The following CACNA1E variants were observed in gnomAD, a reference collection of about 807,000 sequenced individuals.
The protein encoded by CACNA1E is calcium voltage-gated channel subunit alpha1 E, also known as voltage-dependent R-type calcium channel subunit alpha-1E.
CACNA1E carries 40 observed loss-of-function variants against 259.2 expected under a neutral mutation model. The ratio of observed to expected loss-of-function variants is 0.15; its 90% confidence interval spans 0.12 to 0.20. The LOEUF (loss-of-function observed/expected upper bound fraction) is 0.20, where lower values mean the gene tolerates loss of function less well. Ranked by LOEUF, CACNA1E falls within the 10% of genes least tolerant of loss-of-function variation. CACNA1E has a pLI of 1.00. For synonymous variants in CACNA1E, 1,104 were observed against 1,138.5 expected (o/e 0.97, Z 0.61); for missense variants, 1,874 against 3,040.1 (o/e 0.62, Z 9.02).
At chr1:181,649,393 C>T (rs561948788) in intron 6 of CACNA1E, among the ~76,000 whole-genome samples, 75 of 150,824 alleles carry the variant, frequency 5.0e-4, no homozygotes, top group African/African-American at 1.7e-3. Context: ...AAAAAAAAGA[C>T]ACAAGTGTGG....
intron 6 of CACNA1E, among the ~76,000 whole-genome samples, chr1:181,585,191 G>A (rs1651939428): frequency 6.6e-6 from 1 of 152,128 alleles, no homozygotes; most frequent in African/African-American, 2.4e-5. Context: ...TTCCCATGAC[G>A]GCTGGGAGGT....
chr1:181,510,212 A>G (rs1015752345), intron 1 of CACNA1E, among the ~76,000 whole-genome samples: 1 of 152,142 alleles, frequency 6.6e-6, no homozygotes, highest in African/African-American at 2.4e-5. Flanking sequence ...ATGCCCAACT[A>G]TATTATGTAT....
chr1:181,404,336 C>T (rs1297727838), intron 1 of CACNA1E, among the ~76,000 whole-genome samples: 3 of 152,144 alleles, frequency 2.0e-5, no homozygotes, highest in South Asian at 2.1e-4. Context: ...TATTGCAGAA[C>T]GTCAGGGAAC....
intron 3 of CACNA1E, among the ~76,000 whole-genome samples, chr1:181,527,681 G>T (rs759884163): frequency 1.7e-4 from 26 of 152,038 alleles, no homozygotes; most frequent in Non-Finnish European, 2.8e-4. Flanking sequence ...GGTTTTAAAT[G>T]TACCTTCAGT....
intron 1 of CACNA1E, among the ~76,000 whole-genome samples, chr1:181,333,927 T>C (rs1651486952): frequency 1.3e-5 from 2 of 152,206 alleles, no homozygotes; most frequent in African/African-American, 4.8e-5. Flanking sequence ...AGTGCTGGGA[T>C]TTACAGGCGT....
chr1:181,771,522 T>C (rs113788299), intron 36 of CACNA1E, 138 bp downstream of exon 36: 94 of 627,378 alleles, frequency 1.5e-4, no homozygotes, highest in African/African-American at 1.4e-3. Context: ...GAACAGGCAA[T>C]GTCTTTGCCA....
intron 6 of CACNA1E, among the ~76,000 whole-genome samples, chr1:181,644,722 G>A (rs1273105680): frequency 6.6e-6 from 1 of 152,198 alleles, no homozygotes; most frequent in Non-Finnish European, 1.5e-5. Flanking sequence ...CTAAAGGTAT[G>A]TGAGGGAAGC....
chr1:181,483,668 G>T lies in CACNA1E; in HGVS notation c.-77G>T. 9.7e-7 allele frequency: 1 copy of T among 1,030,680 alleles called. No individual in the cohort carries two copies. The highest frequency in any genetic ancestry group is 1.4e-6 in the Non-Finnish European group (1 of 728,006). The allele number at this position is 1,030,680 out of a possible 1,614,324, so 63.8% of individuals were successfully genotyped here. ...TGGATGCGGCTCTGAGTCTCCGTGT[G>T]TCTTTCTGCTTGTTGCTGTGTGCGG... On this transcript the variant is annotated 5_prime_UTR_variant, in exon 1 of 48. Coordinates refer to ENST00000367573, the MANE Select transcript of CACNA1E (RefSeq NM_001205293.3).
intron 2 of CACNA1E, among the ~76,000 whole-genome samples, chr1:181,422,424 G>T (rs994231156): frequency 6.6e-6 from 1 of 152,186 alleles, no homozygotes; most frequent in African/African-American, 2.4e-5. Context: ...CATACCAAAC[G>T]GTCTAGTCCA....
At chr1:181,342,949 G>A (rs1652282149) in intron 1 of CACNA1E, among the ~76,000 whole-genome samples, 1 of 152,126 alleles carries the variant, frequency 6.6e-6, no homozygotes, top group African/African-American at 2.4e-5. Context: ...CAAATGGGTG[G>A]CAGGGCATCA....
At chr1:181,768,935 T>A (rs1659253389) in intron 35 of CACNA1E, among the ~76,000 whole-genome samples, 2 of 152,248 alleles carry the variant, frequency 1.3e-5, no homozygotes, top group African/African-American at 4.8e-5. Context: ...AAGGTATGTC[T>A]ATGAGAAAAA....
intron 7 of CACNA1E, among the ~76,000 whole-genome samples, chr1:181,695,127 A>G (rs868516203): frequency 6.6e-5 from 10 of 152,176 alleles, no homozygotes; most frequent in African/African-American, 1.9e-4. Flanking sequence ...GATGTTAAAT[A>G]TTTAAGGAAT....
intron 6 of CACNA1E, among the ~76,000 whole-genome samples, chr1:181,642,017 C>A (rs990035124): frequency 6.6e-6 from 1 of 151,876 alleles, no homozygotes; most frequent in African/African-American, 2.4e-5. Flanking sequence ...TGGCCTGGGG[C>A]AACACTAATT....
At chr1:181,637,563 C>T (rs1657356653) in intron 6 of CACNA1E, among the ~76,000 whole-genome samples, 1 of 151,938 alleles carries the variant, frequency 6.6e-6, no homozygotes, top group Non-Finnish European at 1.5e-5. Context: ...CCATACATTC[C>T]GCTTATTCAC....
intron 2 of CACNA1E, among the ~76,000 whole-genome samples, chr1:181,465,800 T>A (rs1390688603): frequency 6.6e-6 from 1 of 152,244 alleles, no homozygotes. Flanking sequence ...AGCTAACTTA[T>A]CCTTATGCTG....
chr1:181,416,293 C>CT (rs1329015414), intron 2 of CACNA1E, among the ~76,000 whole-genome samples: 1 of 152,220 alleles, frequency 6.6e-6, no homozygotes, highest in African/African-American at 2.4e-5. Context: ...TTTTCTTGAT[C>CT]TCACGTTGTG....
chr1:181,772,299 T>C lies in CACNA1E; in HGVS notation c.5139+68T>C, dbSNP rs1057332799. On this transcript the variant is annotated intron_variant, in intron 37 of 47. Coordinates refer to ENST00000367573, the MANE Select transcript of CACNA1E (RefSeq NM_001205293.3). ...ATCCTACCCCTAACCCTCTGATACA[T>C]AGACCGGAGATGTTTGCTTCAGTGT... 27 of 1,483,626 alleles carry C rather than the reference T, an allele frequency of 1.8e-5. No homozygotes were observed. In the Admixed American group the frequency reaches 2.0e-4, roughly 11 times the overall value. 91.9% of individuals were successfully genotyped at this position (1,483,626 alleles called of 1,614,324 possible).
At chr1:181,387,039 T>C (rs1462569861) in intron 1 of CACNA1E, among the ~76,000 whole-genome samples, 1 of 152,210 alleles carries the variant, frequency 6.6e-6, no homozygotes, top group East Asian at 1.9e-4. Flanking sequence ...AGGATGCAGA[T>C]ACCAGTGTTG....
intron 1 of CACNA1E, among the ~76,000 whole-genome samples, chr1:181,388,929 C>T (rs1344110539): frequency 1.3e-5 from 2 of 151,862 alleles, no homozygotes; most frequent in Middle Eastern, 3.4e-3. Context: ...ATGGGAGCAT[C>T]GTTGTATATG....
Sources: gnomAD v4.1 joint callset for allele counts (sites outside exome capture counted in the v4.1 genomes callset) on GRCh38, gnomAD v4.1.1 for gene constraint, MANE v1.5 for transcripts, NCBI Gene and HGNC (gene_info 2026-07-23, HGNC 2026-07-21) for gene names.